The following FRMD4A variants were observed in gnomAD, a reference collection of about 807,000 sequenced individuals.
FRMD4A encodes the protein FERM domain containing 4A.
A neutral mutation model predicts 129.1 loss-of-function variants in FRMD4A; 29 were observed. The observed-to-expected ratio is 0.22, with a 90% CI of 0.17 to 0.31. FRMD4A has a LOEUF of 0.31. FRMD4A is among the 10% of genes least tolerant of loss of function. The pLI is 1.00. For synonymous variants in FRMD4A, 634 were observed against 571.6 expected (o/e 1.11, Z -1.56); for missense variants, 1,272 against 1,375.8 (o/e 0.92, Z 1.19).
At chr10:13,649,206 C>A (rs1214424512) in intron 24 of FRMD4A, 3 of 152,324 alleles carry the variant, frequency 2.0e-5, no homozygotes, top group Non-Finnish European at 2.9e-5. Context: ...ACAACATAAT[C>A]TGCTTCAGAG....
intron 2 of FRMD4A, among the ~76,000 whole-genome samples, chr10:14,028,083 G>A (rs10219103): frequency 0.13 from 19,924 of 152,176 alleles, 1,667 homozygotes; most frequent in African/African-American, 0.23. Flanking sequence ...GGCTTGGGCC[G>A]ATCGATTGTG....
At chr10:14,322,750 C>T (rs1843112695) in intron 2 of FRMD4A, among the ~76,000 whole-genome samples, 1 of 152,156 alleles carries the variant, frequency 6.6e-6, no homozygotes. Context: ...AGCATGTTTC[C>T]GGGACCTTTG....
At chr10:13,890,100 G>A (rs2094677163) in intron 2 of FRMD4A, among the ~76,000 whole-genome samples, 1 of 152,200 alleles carries the variant, frequency 6.6e-6, no homozygotes, top group Admixed American at 6.5e-5. Context: ...GTAACACTTT[G>A]AGAACCAAAC....
intron 2 of FRMD4A, among the ~76,000 whole-genome samples, chr10:14,193,495 G>A (rs1223885578): frequency 7.6e-6 from 1 of 131,078 alleles, no homozygotes; most frequent in Non-Finnish European, 1.6e-5. Context: ...CACACACAGA[G>A]TGTGCAATGG....
At chr10:14,310,013 G>A (rs974297153) in intron 2 of FRMD4A, among the ~76,000 whole-genome samples, 12 of 145,780 alleles carry the variant, frequency 8.2e-5, no homozygotes, top group African/African-American at 2.0e-4. Flanking sequence ...CTTCGCCCTC[G>A]TGCATCTCAG....
At chr10:13,892,561 G>A (rs1049280870) in intron 2 of FRMD4A, among the ~76,000 whole-genome samples, 1 of 152,058 alleles carries the variant, frequency 6.6e-6, no homozygotes, top group Non-Finnish European at 1.5e-5. Context: ...TGCTTGAGGA[G>A]CTCAATTTGC....
chr10:13,665,040 G>A (rs11258508), intron 18 of FRMD4A, among the ~76,000 whole-genome samples: 3,354 of 152,108 alleles, frequency 0.022, 102 homozygotes, highest in African/African-American at 0.062. Flanking sequence ...GCGCCACCAC[G>A]CCTGGCTAAT....
intron 2 of FRMD4A, among the ~76,000 whole-genome samples, chr10:14,317,063 T>C (rs1846768635): frequency 6.6e-6 from 1 of 152,180 alleles, no homozygotes; most frequent in Non-Finnish European, 1.5e-5. Flanking sequence ...TCAGATTCCT[T>C]TGCCTCAGAT....
At chr10:14,278,182 C>T (rs1845405611) in intron 2 of FRMD4A, among the ~76,000 whole-genome samples, 1 of 152,168 alleles carries the variant, frequency 6.6e-6, no homozygotes, top group Non-Finnish European at 1.5e-5. Flanking sequence ...CGTGTTGGTT[C>T]TCAGGTCACT....
intron 2 of FRMD4A, among the ~76,000 whole-genome samples, chr10:14,248,968 A>G (rs1279722282): frequency 1.3e-5 from 2 of 152,248 alleles, no homozygotes; most frequent in Non-Finnish European, 2.9e-5. Flanking sequence ...TTTCTAAGGT[A>G]GAATTTTGGT....
chr10:13,838,252 ATTTTT>A (rs905362746), intron 3 of FRMD4A, among the ~76,000 whole-genome samples: 1 of 126,000 alleles, frequency 7.9e-6, no homozygotes, highest in Non-Finnish European at 1.7e-5. Flanking sequence ...TGCAGAGCTA[ATTTTT>A]TTTTTTTTTT....
chr10:14,160,074 A>G (rs1050375043), intron 2 of FRMD4A, among the ~76,000 whole-genome samples: 2 of 152,170 alleles, frequency 1.3e-5, no homozygotes. Context: ...ACCAAATGCT[A>G]TAATGATCTA....
At chr10:13,657,637 C>T in intron 21 of FRMD4A, 115 bp from the exon 22 acceptor site, 1 of 1,388,856 alleles carries the variant, frequency 7.2e-7, no homozygotes. Flanking sequence ...GGGCGCAGGC[C>T]CCAGCCCAGC....
At chr10:14,176,466 CTTTTTTTTTT>C (rs35347674) in intron 2 of FRMD4A, among the ~76,000 whole-genome samples, 1 of 72,854 alleles carries the variant, frequency 1.4e-5, no homozygotes, top group African/African-American at 5.1e-5. Flanking sequence ...TCACCTCCAT[CTTTTTTTTTT>C]TTTTTTTTTT....
chr10:14,261,325 G>T (rs1354594757), intron 2 of FRMD4A, among the ~76,000 whole-genome samples: 1 of 152,210 alleles, frequency 6.6e-6, no homozygotes, highest in African/African-American at 2.4e-5. Context: ...GCTATTTGGA[G>T]AGTGAATTAA....
intron 2 of FRMD4A, among the ~76,000 whole-genome samples, chr10:13,868,301 T>C (rs1812848142): frequency 6.6e-6 from 1 of 152,114 alleles, no homozygotes; most frequent in East Asian, 1.9e-4. Flanking sequence ...TATGATAACT[T>C]TTCCCTCTGG....
intron 2 of FRMD4A, among the ~76,000 whole-genome samples, chr10:13,928,654 T>C (rs1332346703): frequency 6.6e-6 from 1 of 152,192 alleles, no homozygotes; most frequent in African/African-American, 2.4e-5. Context: ...TGATTTGGCA[T>C]TGTGCTAAGG....
At chr10:13,870,485 C>T (rs1046446204) in intron 2 of FRMD4A, among the ~76,000 whole-genome samples, 5 of 152,236 alleles carry the variant, frequency 3.3e-5, no homozygotes, top group African/African-American at 1.2e-4. Flanking sequence ...ATTTTTCACT[C>T]AAAGTCCAAA....
intron 2 of FRMD4A, among the ~76,000 whole-genome samples, chr10:13,985,915 G>A (rs1352398023): frequency 6.6e-6 from 1 of 152,188 alleles, no homozygotes; most frequent in Non-Finnish European, 1.5e-5. Flanking sequence ...GGGATGAGAA[G>A]GTGCAATCTG....
Sources: gnomAD v4.1 joint callset for allele counts (sites outside exome capture counted in the v4.1 genomes callset) on GRCh38, gnomAD v4.1.1 for gene constraint, MANE v1.5 for transcripts, NCBI Gene and HGNC (gene_info 2026-07-23, HGNC 2026-07-21) for gene names.